The following AGBL4 variants were observed in gnomAD, a reference collection of about 807,000 sequenced individuals.
The protein encoded by AGBL4 is AGBL carboxypeptidase 4.
In AGBL4, 58 loss-of-function variants were observed where a neutral mutation model predicts 66.4. That is an observed-to-expected ratio of 0.87 (90% CI 0.71 to 1.09). The LOEUF is 1.09. AGBL4 is among the 50% of genes least tolerant of loss of function. The pLI is 0.00. For missense variants in AGBL4, 579 were observed against 631.0 expected, an observed-to-expected ratio of 0.92 and a Z score of 0.88; for synonymous variants, 234 against 222.9, an observed-to-expected ratio of 1.05 and a Z score of -0.44.
chr1:49,852,901 A>T (rs1646340728), intron 1 of AGBL4, among the ~76,000 whole-genome samples: 1 of 152,014 alleles, frequency 6.6e-6, no homozygotes, highest in Non-Finnish European at 1.5e-5. Flanking sequence ...TTTGAAGCTA[A>T]TTGGAAACTG....
At chr1:48,641,268 G>A (rs150464343) in intron 8 of AGBL4, among the ~76,000 whole-genome samples, 3 of 152,306 alleles carry the variant, frequency 2.0e-5, no homozygotes, top group East Asian at 3.9e-4. Context: ...CAGATAATCT[G>A]TCATCAACAG....
At chr1:49,682,537 T>C (rs1411501595) in intron 3 of AGBL4, among the ~76,000 whole-genome samples, 2 of 152,226 alleles carry the variant, frequency 1.3e-5, no homozygotes, top group African/African-American at 2.4e-5. Context: ...ATGTAGGTCA[T>C]TGTTATTGCC....
At chr1:48,967,071 GAC>G (rs5774035) in intron 5 of AGBL4, among the ~76,000 whole-genome samples, 75,952 of 151,212 alleles carry the variant, frequency 0.5, 19,307 homozygotes, top group Admixed American at 0.57. Context: ...CATACACAAA[GAC>G]ACACACACAC....
chr1:49,929,250 C>A (rs1416892105), intron 1 of AGBL4, among the ~76,000 whole-genome samples: 1 of 151,856 alleles, frequency 6.6e-6, no homozygotes, highest in East Asian at 1.9e-4. Flanking sequence ...TACTCCAAAC[C>A]TCAGCATCAC....
intron 4 of AGBL4, among the ~76,000 whole-genome samples, chr1:49,240,564 T>G (rs1371670616): frequency 6.6e-6 from 1 of 151,046 alleles, no homozygotes; most frequent in African/African-American, 2.4e-5. Context: ...TTTTTTTTTT[T>G]TTTTTCCTAT....
At chr1:48,563,244 G>A (rs1304716506) in intron 11 of AGBL4, among the ~76,000 whole-genome samples, 1 of 152,198 alleles carries the variant, frequency 6.6e-6, no homozygotes, top group East Asian at 1.9e-4. Flanking sequence ...AGCATCACTA[G>A]CAGCAGTCAA....
At chr1:49,869,222 G>A (rs1265089185) in intron 1 of AGBL4, among the ~76,000 whole-genome samples, 1 of 152,146 alleles carries the variant, frequency 6.6e-6, no homozygotes. Flanking sequence ...AATACCATTT[G>A]ATCCAGCAAT....
chr1:48,936,196 A>T (rs1655461334), intron 5 of AGBL4, among the ~76,000 whole-genome samples: 1 of 151,414 alleles, frequency 6.6e-6, no homozygotes, highest in South Asian at 2.1e-4. Flanking sequence ...AGGCGGAGGT[A>T]GGAGGTAGGA....
At chr1:48,583,453 T>A (rs1644769849) in intron 11 of AGBL4, among the ~76,000 whole-genome samples, 1 of 152,202 alleles carries the variant, frequency 6.6e-6, no homozygotes, top group Admixed American at 6.5e-5. Flanking sequence ...AGGTGACACA[T>A]CTAGTAAGTG....
chr1:48,831,045 G>C (rs560080696), intron 6 of AGBL4, among the ~76,000 whole-genome samples: 2 of 152,218 alleles, frequency 1.3e-5, no homozygotes, highest in Non-Finnish European at 2.9e-5. Context: ...GAGCATTTTC[G>C]GGTAAGGAAA....
At chr1:49,029,509 A>C (rs1557576469) in intron 5 of AGBL4, among the ~76,000 whole-genome samples, 1 of 152,206 alleles carries the variant, frequency 6.6e-6, no homozygotes, top group Non-Finnish European at 1.5e-5. Context: ...ACTGAAATCT[A>C]TAAAATATTT....
chr1:49,480,504 ATTTG>A (rs1275849967), intron 3 of AGBL4, among the ~76,000 whole-genome samples: 1 of 151,240 alleles, frequency 6.6e-6, no homozygotes, highest in African/African-American at 2.4e-5. Flanking sequence ...TCTCTTGTAA[ATTTG>A]TTTAACTTCT....
chr1:49,353,582 G>A (rs1643954641), intron 3 of AGBL4, among the ~76,000 whole-genome samples: 1 of 152,144 alleles, frequency 6.6e-6, no homozygotes, highest in South Asian at 2.1e-4. Context: ...GTAGAAGAGG[G>A]CAGTTCCCTG....
At chr1:48,641,139 A>G (rs897687665) in intron 8 of AGBL4, among the ~76,000 whole-genome samples, 1 of 152,222 alleles carries the variant, frequency 6.6e-6, no homozygotes, top group Non-Finnish European at 1.5e-5. Context: ...TGGATTAAGC[A>G]TATTTGCACC....
rs988301309 is a variant in AGBL4, at chr1:49,745,282, A to G, written c.158-47845T>C. Among the ~76,000 whole-genome samples, 7 of 152,050 alleles carry G rather than the reference A, an allele frequency of 4.6e-5. 1 individual carries two copies. Among genetic ancestry groups the G allele is most frequent in the Admixed American group, 3.3e-4 (5 of 15,236 alleles). On this transcript the variant is annotated intron_variant, in intron 2 of 13. Coordinates refer to ENST00000371839, the MANE Select transcript of AGBL4 (RefSeq NM_032785.4). ...TTGTTTCACGTTCCATAGTTTACCT[A>G]TGGTCAACCATGGTCCAAAAAAAGA... is the stretch of plus-strand genomic sequence containing the variant.
At chr1:48,733,482 C>G (rs138011072) in intron 6 of AGBL4, among the ~76,000 whole-genome samples, 1 of 152,202 alleles carries the variant, frequency 6.6e-6, no homozygotes, top group East Asian at 1.9e-4. Flanking sequence ...TTGATGCGAA[C>G]TATCATATTT....
At chr1:49,449,517 G>A (rs1646231627) in intron 3 of AGBL4, among the ~76,000 whole-genome samples, 2 of 151,978 alleles carry the variant, frequency 1.3e-5, no homozygotes, top group African/African-American at 4.8e-5. Context: ...GAGGCAGGAA[G>A]GGCCCATACT....
At chr1:49,330,401 A>G (rs1645308916) in intron 3 of AGBL4, among the ~76,000 whole-genome samples, 1 of 152,246 alleles carries the variant, frequency 6.6e-6, no homozygotes, top group African/African-American at 2.4e-5. Context: ...TCTGGGTGAC[A>G]GAGCGAGACT....
chr1:48,681,223 G>A (rs765416510), intron 6 of AGBL4, among the ~76,000 whole-genome samples: 6 of 152,126 alleles, frequency 3.9e-5, no homozygotes, highest in East Asian at 1.9e-4. Context: ...GATAGGGACC[G>A]CTGCCTCTCA....
Sources: allele counts gnomAD v4.1 joint callset (sites outside exome capture counted in the v4.1 genomes callset), GRCh38; gene constraint gnomAD v4.1.1; transcripts MANE v1.5; gene names NCBI Gene and HGNC (gene_info 2026-07-23, HGNC 2026-07-21).